Variants in LRRTM4 observed in about 807,000 individuals in gnomAD.
The protein encoded by LRRTM4 is leucine rich repeat transmembrane neuronal 4.
Under a neutral mutation model 47.6 loss-of-function variants are expected in LRRTM4, and 25 were observed. That is an observed-to-expected ratio of 0.53 (90% CI 0.38 to 0.73). The LOEUF is 0.73. Among genes scored for constraint, LRRTM4 ranks in the 30% least tolerant of loss-of-function variants. The pLI is 0.00. For synonymous variants in LRRTM4, 311 were observed against 269.5 expected (o/e 1.15, Z -1.51); for missense variants, 638 against 713.4 (o/e 0.89, Z 1.20).
intron 3 of LRRTM4, among the ~76,000 whole-genome samples, chr2:77,192,698 T>A (rs1036759174): frequency 6.6e-6 from 1 of 152,170 alleles, no homozygotes; most frequent in South Asian, 2.1e-4. Context: ...CTTATCTACA[T>A]TAAATCAAAT....
intron 3 of LRRTM4, among the ~76,000 whole-genome samples, chr2:77,026,234 C>A (rs1573468032): frequency 6.6e-6 from 1 of 151,998 alleles, no homozygotes; most frequent in East Asian, 1.9e-4. Context: ...GTTGCAGGGG[C>A]CATTTGAAGC....
intron 3 of LRRTM4, among the ~76,000 whole-genome samples, chr2:77,491,896 T>G (rs1311172750): frequency 6.6e-6 from 1 of 151,832 alleles, no homozygotes; most frequent in Non-Finnish European, 1.5e-5. Flanking sequence ...ATAGACTTTC[T>G]GAAATGGTAA....
intron 3 of LRRTM4, among the ~76,000 whole-genome samples, chr2:77,094,630 T>C (rs1410652285): frequency 2.0e-5 from 3 of 152,170 alleles, no homozygotes; most frequent in East Asian, 3.9e-4. Context: ...CAAACCCAAG[T>C]ATTTGTGGTC....
At chr2:77,127,808 C>G (rs951994682) in intron 3 of LRRTM4, among the ~76,000 whole-genome samples, 4 of 152,172 alleles carry the variant, frequency 2.6e-5, no homozygotes, top group African/African-American at 7.2e-5. Flanking sequence ...GCTCGAATCA[C>G]ATAGCTAAAT....
chr2:76,998,182 A>T (rs1397033393), intron 3 of LRRTM4, among the ~76,000 whole-genome samples: 2 of 152,132 alleles, frequency 1.3e-5, no homozygotes, highest in African/African-American at 4.8e-5. Flanking sequence ...CCATGAAACC[A>T]GTCCCTGGTG....
chr2:77,023,491 T>C (rs950454985), intron 3 of LRRTM4, among the ~76,000 whole-genome samples: 2 of 152,256 alleles, frequency 1.3e-5, no homozygotes, highest in East Asian at 3.8e-4. Flanking sequence ...TCAACTTTTA[T>C]GCTCTGCTTC....
At position 77,459,185 on chromosome 2, in the gene LRRTM4, C is replaced by T. The variant is rs1466708024; in HGVS notation, c.1551+59133G>A. 2.6e-5 allele frequency among the ~76,000 whole-genome samples: 4 copies of T among 152,088 alleles called. No homozygotes were observed. The East Asian group carries it at 7.7e-4, about 29-fold the overall frequency. On this transcript the variant is annotated intron_variant, in intron 3 of 3. Coordinates refer to ENST00000409884, the MANE Select transcript of LRRTM4 (RefSeq NM_001134745.3). ...GCCTGAAGGGACTATTATTTATCTC[C>T]TCAAAAATTGGATTTTATCTTCACC...
intron 3 of LRRTM4, among the ~76,000 whole-genome samples, chr2:77,029,071 A>T (rs1043069002): frequency 1.7e-4 from 24 of 138,846 alleles, no homozygotes; most frequent in African/African-American, 6.3e-4. Context: ...ATATATATAT[A>T]ATATATATAT....
At chr2:76,985,360 C>T (rs1558778821) in intron 3 of LRRTM4, among the ~76,000 whole-genome samples, 1 of 151,960 alleles carries the variant, frequency 6.6e-6, no homozygotes, top group Non-Finnish European at 1.5e-5. Context: ...AAGAACGATT[C>T]ACAGAGTTTG....
At chr2:77,064,832 C>G (rs998955827) in intron 3 of LRRTM4, among the ~76,000 whole-genome samples, 2 of 151,870 alleles carry the variant, frequency 1.3e-5, no homozygotes, top group South Asian at 2.1e-4. Flanking sequence ...TTTTTCGTAC[C>G]CTGCTTTCTC....
At chr2:76,895,547 C>T (rs914389) in intron 3 of LRRTM4, among the ~76,000 whole-genome samples, 12,244 of 152,052 alleles carry the variant, frequency 0.081, 876 homozygotes, top group East Asian at 0.36. Context: ...TGTGGCTTCT[C>T]GCAAAAGGAA....
At chr2:76,925,992 T>C (rs1233996209) in intron 3 of LRRTM4, among the ~76,000 whole-genome samples, 1 of 152,144 alleles carries the variant, frequency 6.6e-6, no homozygotes, top group Non-Finnish European at 1.5e-5. Context: ...TCTTTGAGGA[T>C]AAAACCAGGT....
At chr2:76,793,350 A>C (rs1188504049) in intron 3 of LRRTM4, among the ~76,000 whole-genome samples, 3 of 152,158 alleles carry the variant, frequency 2.0e-5, no homozygotes, top group Non-Finnish European at 4.4e-5. Context: ...AGTAGATGGG[A>C]CATAGATTTT....
chr2:76,856,958 A>G (rs1274493999), intron 3 of LRRTM4, among the ~76,000 whole-genome samples: 6 of 152,120 alleles, frequency 3.9e-5, no homozygotes, highest in Non-Finnish European at 5.9e-5. Context: ...AAAATTTACA[A>G]CAATGGTTTA....
intron 3 of LRRTM4, among the ~76,000 whole-genome samples, chr2:77,382,785 CT>C (rs1490542921): frequency 6.6e-6 from 1 of 151,948 alleles, no homozygotes; most frequent in Non-Finnish European, 1.5e-5. Context: ...TATTTTTCAC[CT>C]TTTTAAATTT....
At chr2:76,964,124 C>T (rs986759906) in intron 3 of LRRTM4, among the ~76,000 whole-genome samples, 2 of 150,766 alleles carry the variant, frequency 1.3e-5, no homozygotes, top group African/African-American at 4.8e-5. Flanking sequence ...AAAAATGAGC[C>T]TAAACCCCTA....
At chr2:77,284,511 A>G (rs1676597115) in intron 3 of LRRTM4, among the ~76,000 whole-genome samples, 1 of 151,602 alleles carries the variant, frequency 6.6e-6, no homozygotes, top group East Asian at 1.9e-4. Context: ...CACTTATTTA[A>G]TATCTGTGAA....
chr2:76,758,460 A>T (rs1673141857), intron 3 of LRRTM4, among the ~76,000 whole-genome samples: 1 of 152,156 alleles, frequency 6.6e-6, no homozygotes, highest in South Asian at 2.1e-4. Flanking sequence ...CATGAGTCTA[A>T]TAGAGTACAA....
intron 3 of LRRTM4, among the ~76,000 whole-genome samples, chr2:77,172,526 G>A (rs550413031): frequency 3.8e-4 from 58 of 152,262 alleles, no homozygotes; most frequent in African/African-American, 1.3e-3. Context: ...TTTGTGAGGT[G>A]GAGGTTGCAG....
Sources: gnomAD v4.1 joint callset for allele counts (sites outside exome capture counted in the v4.1 genomes callset) on GRCh38, gnomAD v4.1.1 for gene constraint, MANE v1.5 for transcripts, NCBI Gene and HGNC (gene_info 2026-07-23, HGNC 2026-07-21) for gene names.